Variants in PSME4 observed in about 807,000 individuals in gnomAD.
PSME4 encodes the protein proteasome activator complex subunit 4.
Under a neutral mutation model 253.9 loss-of-function variants are expected in PSME4, and 89 were observed. That is an observed-to-expected ratio of 0.35 (90% confidence interval 0.30 to 0.42). PSME4 has a LOEUF of 0.42. Ranked by LOEUF, PSME4 falls within the 10% of genes least tolerant of loss-of-function variation. The probability of loss-of-function intolerance (pLI) is 1.00; values close to 1 mark genes in which losing one functional copy is unlikely to be tolerated. For missense variants in PSME4, 2,014 were observed against 2,195.2 expected (o/e 0.92, Z 1.65); for synonymous variants, 851 against 759.2 (o/e 1.12, Z -1.99).
chr2:53,943,951 T>G (rs545863564), intron 3 of PSME4, among the ~76,000 whole-genome samples: 11 of 152,240 alleles, frequency 7.2e-5, no homozygotes, highest in South Asian at 6.2e-4. Context: ...AAAAGTATAC[T>G]TTTAGGGCAA....
chr2:53,879,147 C>T (rs1213956919), intron 41 of PSME4, among the ~76,000 whole-genome samples: 1 of 152,148 alleles, frequency 6.6e-6, no homozygotes, highest in Non-Finnish European at 1.5e-5. Flanking sequence ...GGGTGAATTT[C>T]CCCCAATACT....
At chr2:53,879,508 T>C (rs28705985) in intron 41 of PSME4, among the ~76,000 whole-genome samples, 1,739 of 152,272 alleles carry the variant, frequency 0.011, 28 homozygotes, top group African/African-American at 0.04. Flanking sequence ...TTGTGGGATG[T>C]ATAAAAATCA....
At chr2:53,873,578 T>C (rs1427153705) in intron 43 of PSME4, among the ~76,000 whole-genome samples, 6 of 152,222 alleles carry the variant, frequency 3.9e-5, no homozygotes, top group Non-Finnish European at 8.8e-5. Context: ...CTGTATGGGA[T>C]AATACATTAT....
Position 53,906,629 on chromosome 2 carries a change from A to T in PSME4, c.2912T>A (p.Leu971His). Residue 971 changes from leucine to histidine, a missense_variant, in exon 26 of 47, where the codon CTT (leucine) becomes CAT (histidine). Physicochemically the swap from Leu to His is moderately conservative, Grantham distance 99. Around this residue, in one of 4 missense-constraint regions of PSME4, gnomAD observed 989 missense variants for 1,021.1 expected, o/e 0.97. Transcript: ENST00000404125. The part of the protein sequence containing the change: ...KKIHQDMIRD[L>H]LRLSTSSYSQ... ...GTATGAACTTGTAGATAAACGAAGA[A>T]GATCTCTGATCATATCTTGATGTAT... 2 of 1,600,480 alleles carry T rather than the reference A, an allele frequency of 1.2e-6. No homozygotes were observed. The highest frequency in any genetic ancestry group is 1.7e-6 in the Non-Finnish European group (2 of 1,174,114).
chr2:53,874,996 C>CAGTCAT (rs1430534579), intron 42 of PSME4, among the ~76,000 whole-genome samples: 1 of 152,154 alleles, frequency 6.6e-6, no homozygotes, highest in Non-Finnish European at 1.5e-5. Flanking sequence ...TCACAAGAGA[C>CAGTCAT]AGTCATGATT....
chr2:53,917,957 T>C (rs1668132362), intron 20 of PSME4, among the ~76,000 whole-genome samples: 1 of 152,200 alleles, frequency 6.6e-6, no homozygotes, highest in African/African-American at 2.4e-5. Flanking sequence ...ACAGATTTCC[T>C]TACCTGAAAT....
chr2:53,880,913 T>C (rs910566954), intron 41 of PSME4, among the ~76,000 whole-genome samples: 1 of 152,152 alleles, frequency 6.6e-6, no homozygotes, highest in African/African-American at 2.4e-5. Flanking sequence ...AAAGAAGATA[T>C]TCATTTACTG....
intron 10 of PSME4, 64 bp downstream of exon 10, chr2:53,931,771 G>T: frequency 6.6e-7 from 1 of 1,519,040 alleles, no homozygotes; most frequent in Non-Finnish European, 8.9e-7. Flanking sequence ...GGAGAAAAGA[G>T]AATCGAGCTG....
intron 43 of PSME4, among the ~76,000 whole-genome samples, chr2:53,873,169 A>G (rs1048859962): frequency 4.7e-5 from 7 of 148,610 alleles, no homozygotes; most frequent in Non-Finnish European, 1.0e-4. Flanking sequence ...TGAACCCAGG[A>G]GGCGGAGCTT....
chr2:53,908,253 C>A, intron 24 of PSME4, 67 bp downstream of exon 24: 1 of 1,250,522 alleles, frequency 8.0e-7, no homozygotes. Context: ...CTGAATAATA[C>A]CCAAATTACG....
chr2:53,957,346 TC>T (rs1441646879), intron 1 of PSME4, among the ~76,000 whole-genome samples: 1 of 152,236 alleles, frequency 6.6e-6, no homozygotes, highest in Non-Finnish European at 1.5e-5. Flanking sequence ...ATTACATAAC[TC>T]ATCATAATGT....
chr2:53,897,545 A>G (rs1680199240), intron 31 of PSME4, among the ~76,000 whole-genome samples: 1 of 152,108 alleles, frequency 6.6e-6, no homozygotes, highest in South Asian at 2.1e-4. Context: ...CCTCACCTCT[A>G]ACACTTGGAG....
At chr2:53,969,221 G>T (rs1428674175) in intron 1 of PSME4, among the ~76,000 whole-genome samples, 1 of 152,030 alleles carries the variant, frequency 6.6e-6, no homozygotes, top group Non-Finnish European at 1.5e-5. Context: ...TTCTCCTAAG[G>T]ATCCTAACAC....
intron 1 of PSME4, among the ~76,000 whole-genome samples, chr2:53,952,105 T>G (rs936824391): frequency 6.6e-6 from 1 of 152,124 alleles, no homozygotes; most frequent in Non-Finnish European, 1.5e-5. Context: ...CAAAGAAAAA[T>G]TCCCTGCTTT....
chr2:53,876,212 T>A (rs1182566112), intron 41 of PSME4, among the ~76,000 whole-genome samples: 1 of 152,202 alleles, frequency 6.6e-6, no homozygotes, highest in African/African-American at 2.4e-5. Context: ...TGACCACATA[T>A]TGTACTTACT....
intron 3 of PSME4, among the ~76,000 whole-genome samples, chr2:53,942,884 A>C (rs1163660915): frequency 6.6e-6 from 1 of 152,154 alleles, no homozygotes; most frequent in Admixed American, 6.5e-5. Flanking sequence ...CCCAGTTCTT[A>C]AGCTCTTGTT....
intron 44 of PSME4, among the ~76,000 whole-genome samples, chr2:53,868,509 A>ATATATTAT (rs1490900495): frequency 3.9e-5 from 2 of 51,156 alleles, no homozygotes; most frequent in Admixed American, 2.3e-4. Flanking sequence ...TATATATTAT[A>ATATATTAT]AAATATATTT....
In PSME4 at chr2:53,923,301, G is replaced by T. The variant is rs190660541; in HGVS notation, c.1908+20C>A. On this transcript the variant is annotated intron_variant, in intron 15 of 46. Transcript: ENST00000404125. The stretch of plus-strand genomic sequence containing the variant: ...TGATTGTTGAGTCATTAATACATCA[G>T]TTCAAAAAAATAAACTCACCTTTAC... 6.3e-7 allele frequency: 1 copy of T among 1,586,376 alleles called. No individual in the cohort carries two copies. Among genetic ancestry groups the T allele is most frequent in the Non-Finnish European group, 8.5e-7 (1 of 1,171,052 alleles).
intron 44 of PSME4, among the ~76,000 whole-genome samples, chr2:53,869,056 C>G (rs1414896323): frequency 6.6e-6 from 1 of 152,130 alleles, no homozygotes; most frequent in Non-Finnish European, 1.5e-5. Flanking sequence ...AATTCCAAAA[C>G]AGGTTTTTCA....
Sources: gnomAD v4.1 joint callset for allele counts (sites outside exome capture counted in the v4.1 genomes callset) on GRCh38, gnomAD v4.1.1 for gene constraint, gnomAD v4.1.1 regional missense constraint, MANE v1.5 for transcripts, NCBI Gene and HGNC (gene_info 2026-07-23, HGNC 2026-07-21) for gene names.